STK3: variants seen among roughly 807,000 people sequenced by gnomAD.
The protein encoded by STK3 is serine/threonine kinase 3, also known as serine/threonine-protein kinase 3.
A neutral mutation model predicts 58.0 loss-of-function variants in STK3; 41 were observed. That is an observed-to-expected ratio of 0.71 (90% CI 0.55 to 0.92). The LOEUF is 0.92. Ranked by LOEUF, STK3 falls within the 40% of genes least tolerant of loss-of-function variation. STK3 has a pLI of 0.00. For synonymous variants in STK3, 170 were observed against 191.0 expected, an observed-to-expected ratio of 0.89 and a Z score of 0.91; for missense variants, 479 against 602.7, an observed-to-expected ratio of 0.79 and a Z score of 2.15.
At chr8:98,437,615 G>C (rs1200337873) in intron 1 of STK3, 1 of 152,214 alleles carries the variant, frequency 6.6e-6, no homozygotes, top group Non-Finnish European at 1.5e-5. Context: ...GAAAAGAACT[G>C]AGGTGCCAGC....
At chr8:98,663,103 C>T (rs532632899) in intron 6 of STK3, among the ~76,000 whole-genome samples, 82 of 152,088 alleles carry the variant, frequency 5.4e-4, no homozygotes, top group Non-Finnish European at 1.0e-3. Flanking sequence ...ACCTACAGAA[C>T]GGGAAAAATT....
At chr8:98,477,709 G>GGGC (rs1563642802) in intron 10 of STK3, among the ~76,000 whole-genome samples, 1 of 79,466 alleles carries the variant, frequency 1.3e-5, no homozygotes, top group Non-Finnish European at 2.7e-5. Context: ...TGGCGGGGGG[G>GGGC]GGGGGGGTGG....
intron 2 of STK3, among the ~76,000 whole-genome samples, chr8:98,774,392 G>A (rs1160030555): frequency 4.6e-5 from 7 of 151,716 alleles, no homozygotes; most frequent in African/African-American, 1.7e-4. Flanking sequence ...TGAGCCTCAA[G>A]ATCTAAAAGG....
chr8:98,697,715 T>C (rs201638320), intron 6 of STK3, among the ~76,000 whole-genome samples: 80 of 152,188 alleles, frequency 5.3e-4, no homozygotes, highest in African/African-American at 1.7e-3. Context: ...GCACTGTAGT[T>C]TGAGAGACAG....
chr8:98,375,676 T>G (rs1208750712), intron 2 of STK3, among the ~76,000 whole-genome samples: 1 of 152,150 alleles, frequency 6.6e-6, no homozygotes, highest in Non-Finnish European at 1.5e-5. Flanking sequence ...TTTGCAACTT[T>G]TTTTTTTTAC....
intron 3 of STK3, among the ~76,000 whole-genome samples, chr8:98,856,209 C>T (rs973106798): frequency 3.4e-5 from 5 of 148,478 alleles, no homozygotes; most frequent in African/African-American, 9.9e-5. Context: ...GCCTGTAATC[C>T]CACAGCTACT....
At chr8:98,726,734 G>A (rs1395545192) in intron 4 of STK3, among the ~76,000 whole-genome samples, 3 of 152,074 alleles carry the variant, frequency 2.0e-5, no homozygotes, top group African/African-American at 7.2e-5. Context: ...AGAGAACCAT[G>A]GGTCTTTCCA....
chr8:98,630,718 GAGAAGGAGGAGAAGAAGGAGA>G (rs1158212884), intron 6 of STK3, among the ~76,000 whole-genome samples: 4 of 150,300 alleles, frequency 2.7e-5, no homozygotes, highest in Admixed American at 6.6e-5. Flanking sequence ...GGAGAAGGAG[GAGAAGGAGGAGAAGAAGGAGA>G]AGAAGGATAA....
intron 4 of STK3, among the ~76,000 whole-genome samples, chr8:98,714,123 T>C (rs748294391): frequency 2.6e-5 from 4 of 152,262 alleles, no homozygotes; most frequent in African/African-American, 4.8e-5. Flanking sequence ...ATTGATGGGA[T>C]GTATCTCAAA....
At chr8:98,370,936 G>T (rs558849049), downstream of STK3, among the ~76,000 whole-genome samples, 2 of 152,204 alleles carry the variant, frequency 1.3e-5, no homozygotes, top group Non-Finnish European at 2.9e-5. Flanking sequence ...AAAATGTAGG[G>T]GTATTATATG....
At chr8:98,480,467 G>A (rs1039739384) in intron 10 of STK3, among the ~76,000 whole-genome samples, 1 of 152,102 alleles carries the variant, frequency 6.6e-6, no homozygotes, top group East Asian at 1.9e-4. Context: ...GATGTAAAAA[G>A]AGCATGCAAA....
At chr8:98,937,040 G>T (rs1190713737) in intron 1 of STK3, among the ~76,000 whole-genome samples, 1 of 152,164 alleles carries the variant, frequency 6.6e-6, no homozygotes, top group Non-Finnish European at 1.5e-5. Flanking sequence ...TGTGTTTTGG[G>T]CTCAGAGGCA....
At chr8:98,588,127 T>C (rs1340860370) in intron 7 of STK3, among the ~76,000 whole-genome samples, 1 of 152,162 alleles carries the variant, frequency 6.6e-6, no homozygotes, top group East Asian at 1.9e-4. Context: ...ATGTGTGAAT[T>C]TGATCCTGTC....
chr8:98,607,740 T>C (rs1015772313), intron 6 of STK3, among the ~76,000 whole-genome samples: 2 of 152,228 alleles, frequency 1.3e-5, no homozygotes, highest in African/African-American at 4.8e-5. Context: ...ATTATTCAGA[T>C]TTGGATACTC....
At chr8:98,447,955 TATAATA>T (rs143901845) in intron 1 of STK3, among the ~76,000 whole-genome samples, 57,616 of 141,850 alleles carry the variant, frequency 0.41, 11,754 homozygotes, top group Admixed American at 0.52. Context: ...AAACTTAAAG[TATAATA>T]ATAATAATAA....
chr8:98,806,636 C>G (rs193258845), intron 1 of STK3, among the ~76,000 whole-genome samples: 1 of 152,258 alleles, frequency 6.6e-6, no homozygotes, highest in East Asian at 1.9e-4. Flanking sequence ...TTAGAAAACA[C>G]TGGAGCTCAG....
intron 2 of STK3, among the ~76,000 whole-genome samples, chr8:98,377,105 T>C (rs920010918): frequency 6.6e-6 from 1 of 152,156 alleles, no homozygotes; most frequent in African/African-American, 2.4e-5. Context: ...ATTTTAGACA[T>C]CAACTTCTCA....
At chr8:98,480,657 T>C (rs983409602) in intron 10 of STK3, among the ~76,000 whole-genome samples, 8 of 152,186 alleles carry the variant, frequency 5.3e-5, no homozygotes, top group African/African-American at 1.9e-4. Context: ...TATCTCTCTA[T>C]AACAATCCTG....
chr8:98,468,207 C>T (rs944769847), intron 10 of STK3, among the ~76,000 whole-genome samples: 1 of 152,184 alleles, frequency 6.6e-6, no homozygotes, highest in Non-Finnish European at 1.5e-5. Context: ...GTTTCTAAAA[C>T]ACTTCAAAAG....
Sources: gnomAD v4.1 joint callset for allele counts (sites outside exome capture counted in the v4.1 genomes callset) on GRCh38, gnomAD v4.1.1 for gene constraint, MANE v1.5 for transcripts, NCBI Gene and HGNC (gene_info 2026-07-23, HGNC 2026-07-21) for gene names.